Variants in VPS41 observed in about 807,000 individuals in gnomAD.
VPS41 encodes vacuolar protein sorting-associated protein 41 homolog.
VPS41 carries 85 observed loss-of-function variants against 130.9 expected under a neutral mutation model. That is an observed-to-expected ratio of 0.65 (90% CI 0.55 to 0.78). VPS41 has a LOEUF of 0.78. Among genes scored for constraint, VPS41 ranks in the 30% least tolerant of loss-of-function variants. The pLI is 0.00. For synonymous variants in VPS41, 335 were observed against 332.9 expected (o/e 1.01, Z -0.07); for missense variants, 874 against 1,018.7 (o/e 0.86, Z 1.93).
intron 1 of VPS41, among the ~76,000 whole-genome samples, 157 bp from the exon 2 acceptor site, chr7:38,898,286 CAT>C (rs1433208595): frequency 2.6e-5 from 4 of 152,232 alleles, no homozygotes; most frequent in African/African-American, 9.6e-5. Context: ...CTGACTTTCA[CAT>C]GTCTCCTGCA....
chr7:38,908,513 TTG>T (rs897779809), intron 1 of VPS41, among the ~76,000 whole-genome samples: 1 of 138,160 alleles, frequency 7.2e-6, no homozygotes, highest in Non-Finnish European at 1.7e-5. Context: ...TACTCTAACT[TTG>T]TGTATAAACT....
chr7:38,805,367 T>C (rs1175336553), intron 7 of VPS41, among the ~76,000 whole-genome samples: 1 of 152,048 alleles, frequency 6.6e-6, no homozygotes, highest in Non-Finnish European at 1.5e-5. Context: ...GCTCCGTCTC[T>C]ACTAAAAATA....
At chr7:38,781,213 T>TA (rs1156352726) in intron 10 of VPS41, among the ~76,000 whole-genome samples, 1 of 152,216 alleles carries the variant, frequency 6.6e-6, no homozygotes, top group East Asian at 1.9e-4. Context: ...TTTCAACATG[T>TA]AATAATATAA....
intron 3 of VPS41, among the ~76,000 whole-genome samples, chr7:38,868,096 C>G (rs1052222296): frequency 1.3e-5 from 2 of 152,104 alleles, no homozygotes; most frequent in Non-Finnish European, 2.9e-5. Flanking sequence ...CTGACACCAT[C>G]CAAAGTGTGG....
At chr7:38,905,832 C>T (rs921060307) in intron 1 of VPS41, among the ~76,000 whole-genome samples, 4 of 152,136 alleles carry the variant, frequency 2.6e-5, no homozygotes, top group Admixed American at 2.6e-4. Context: ...TCCCTCTTGT[C>T]ACCCAGGCTG....
At chr7:38,771,601 C>CA (rs531940375) in intron 13 of VPS41, among the ~76,000 whole-genome samples, 1 of 151,932 alleles carries the variant, frequency 6.6e-6, no homozygotes, top group Non-Finnish European at 1.5e-5. Context: ...AGTCTCCATA[C>CA]AAAAAAAGGC....
chr7:38,732,830 T>C (rs1795694821), intron 25 of VPS41, among the ~76,000 whole-genome samples: 1 of 152,162 alleles, frequency 6.6e-6, no homozygotes, highest in African/African-American at 2.4e-5. Flanking sequence ...GTTTTATTAT[T>C]TTTAATTAAT....
At chr7:38,856,827 T>G (rs1371911086) in intron 4 of VPS41, among the ~76,000 whole-genome samples, 1 of 152,124 alleles carries the variant, frequency 6.6e-6, no homozygotes, top group Non-Finnish European at 1.5e-5. Flanking sequence ...AAGTGTATTC[T>G]AGAGAGAAAA....
Position 38,789,855 on chromosome 7 carries a change from T to G in VPS41, c.730A>C (p.Lys244Gln), listed in dbSNP as rs142513172. The change falls in exon 10 of 29, where the codon AAG (lysine) becomes CAG (glutamine). Residue 244 changes from lysine to glutamine, a missense_variant. Transcript: ENST00000310301. ...CTCATTTCACTGGCATGCCGTTCCT[T>G]CACTGAGCACACCTGGAAAATAAGT... is the stretch of plus-strand genomic sequence containing the variant. ...WGTSVKVCSV[K>Q]ERHASEMRDL... 5 of 1,613,670 alleles carry G rather than the reference T, an allele frequency of 3.1e-6. No individual in the cohort carries two copies. Among genetic ancestry groups the G allele is most frequent in the African/African-American group, 1.3e-5 (1 of 74,912 alleles).
At chr7:38,729,890 G>A (rs112416413) in intron 25 of VPS41, among the ~76,000 whole-genome samples, 25 of 152,304 alleles carry the variant, frequency 1.6e-4, no homozygotes, top group African/African-American at 5.5e-4. Flanking sequence ...GCTCCAGGAG[G>A]TGTGCATAAG....
chr7:38,730,156 C>T (rs954550860), intron 25 of VPS41, among the ~76,000 whole-genome samples: 1 of 152,206 alleles, frequency 6.6e-6, no homozygotes, highest in African/African-American at 2.4e-5. Flanking sequence ...GTGTCTTTCA[C>T]GGGCAAGTGC....
intron 4 of VPS41, among the ~76,000 whole-genome samples, chr7:38,849,159 G>A (rs1421009813): frequency 6.6e-6 from 1 of 152,064 alleles, no homozygotes; most frequent in Non-Finnish European, 1.5e-5. Flanking sequence ...TCCTTCACAG[G>A]GCATGTGATG....
chr7:38,815,996 C>A (rs1204697932), intron 7 of VPS41, among the ~76,000 whole-genome samples: 3 of 151,974 alleles, frequency 2.0e-5, no homozygotes. Context: ...CTCTAGAGAA[C>A]CCTAATACAA....
intron 10 of VPS41, among the ~76,000 whole-genome samples, chr7:38,785,961 TAAAA>T (rs567856585): frequency 6.6e-6 from 1 of 152,064 alleles, no homozygotes; most frequent in Non-Finnish European, 1.5e-5. Flanking sequence ...TGAACCAAAA[TAAAA>T]AAACAAATCT....
At chr7:38,872,363 C>T (rs1165506111) in intron 2 of VPS41, among the ~76,000 whole-genome samples, 1 of 152,214 alleles carries the variant, frequency 6.6e-6, no homozygotes, top group Non-Finnish European at 1.5e-5. Context: ...CTACAATATC[C>T]TTTCAGTCAT....
At chr7:38,908,587 G>T (rs1787319944) in intron 1 of VPS41, among the ~76,000 whole-genome samples, 1 of 152,118 alleles carries the variant, frequency 6.6e-6, no homozygotes, top group Non-Finnish European at 1.5e-5. Context: ...TCTCACACTG[G>T]AAAGTTAAAT....
At chr7:38,741,840 C>T (rs1056619160) in intron 25 of VPS41, 145 bp downstream of exon 25, 4 of 883,740 alleles carry the variant, frequency 4.5e-6, no homozygotes, top group Non-Finnish European at 5.1e-6. Context: ...TCTATTTGAA[C>T]AGTTTTCTAA....
rs1785087094 is a variant in VPS41, at chr7:38,817,848, C to G, written c.419G>C (p.Ser140Thr). The part of the protein sequence containing the change: ...IAVHPHFVRS[S>T]CKQFVTGGKK... ...CCCTCCGGTCACAAACTGCTTGCAACTGGATCTCACGAAATGTGGGTGCAC... is the reference window on the plus strand; with the variant it reads ...CCCTCCGGTCACAAACTGCTTGCAAGTGGATCTCACGAAATGTGGGTGCAC... The change falls in exon 7 of 29, where the codon AGT (serine) becomes ACT (threonine). Residue 140 changes from serine to threonine, a missense_variant. Physicochemically the swap from Ser to Thr is moderately conservative, Grantham distance 58. Transcript: ENST00000310301. 2.5e-6 allele frequency: 4 copies of G among 1,614,016 alleles called. No individual in the cohort carries two copies. The South Asian group carries it at 3.3e-5, about 13-fold the overall frequency.
intron 5 of VPS41, among the ~76,000 whole-genome samples, chr7:38,828,804 T>A (rs924811133): frequency 6.6e-6 from 1 of 152,196 alleles, no homozygotes; most frequent in Non-Finnish European, 1.5e-5. Flanking sequence ...AAGGGTACCA[T>A]GAGATAATCT....
Sources: gnomAD v4.1 joint callset for allele counts (sites outside exome capture counted in the v4.1 genomes callset) on GRCh38, gnomAD v4.1.1 for gene constraint, MANE v1.5 for transcripts, NCBI Gene and HGNC (gene_info 2026-07-23, HGNC 2026-07-21) for gene names.